RLF: variants seen among roughly 807,000 people sequenced by gnomAD.
The protein encoded by RLF is zinc finger protein Rlf.
A neutral mutation model predicts 162.9 loss-of-function variants in RLF; 7 were observed. The observed-to-expected ratio is 0.04, with a 90% CI of 0.02 to 0.08. The LOEUF is 0.08. Among genes scored for constraint, RLF ranks in the 10% least tolerant of loss-of-function variants. The pLI is 1.00. For synonymous variants in RLF, 782 were observed against 791.5 expected, an observed-to-expected ratio of 0.99 and a Z score of 0.20; for missense variants, 1,664 against 2,244.7, an observed-to-expected ratio of 0.74 and a Z score of 5.23.
At chr1:40,197,127 T>C (rs531723940) in intron 4 of RLF, among the ~76,000 whole-genome samples, 1 of 152,338 alleles carries the variant, frequency 6.6e-6, no homozygotes, top group South Asian at 2.1e-4. Flanking sequence ...TACATGGTGT[T>C]TGGACCTCTC....
intron 1 of RLF, among the ~76,000 whole-genome samples, chr1:40,170,025 G>C (rs1642220539): frequency 6.6e-6 from 1 of 152,080 alleles, no homozygotes; most frequent in South Asian, 2.1e-4. Flanking sequence ...AATACGTTGT[G>C]AATTTCCAAG....
At chr1:40,192,784 T>C (rs938985537) in intron 3 of RLF, among the ~76,000 whole-genome samples, 2 of 152,162 alleles carry the variant, frequency 1.3e-5, no homozygotes, top group African/African-American at 4.8e-5. Context: ...CAGCAAATGG[T>C]ATTAAGGATA....
rs1219403158 is a variant in RLF at position 40,188,994 on chromosome 1, GGACAAA to G, written c.238-55_238-50del. ...TGGGAGAGCTATGTGGTGTGTTTGA[GGACAAA>G]GACAATCTGTTTCATTATTTTTATT... is the stretch of plus-strand genomic sequence containing the variant. On this transcript the variant is annotated intron_variant, in intron 1 of 7. Transcript: ENST00000372771. 9 of 1,189,280 alleles carry G rather than the reference GGACAAA, an allele frequency of 7.6e-6. No homozygotes were observed. The African/African-American group carries it at 7.6e-5, about 10-fold the overall frequency. The allele number at this position is 1,189,280 out of a possible 1,614,324, so 73.7% of individuals were successfully genotyped here. A position where few individuals can be genotyped will look rare whatever the true frequency, so the allele number is the denominator to read the frequency against.
chr1:40,222,788 G>A (rs955024788), intron 6 of RLF, 78 bp downstream of exon 6: 2 of 1,322,624 alleles, frequency 1.5e-6, no homozygotes, highest in Non-Finnish European at 2.1e-6. Flanking sequence ...ATGTTAATTT[G>A]TTTCTAATTT....
At chr1:40,213,595 C>T (rs1449411478) in intron 5 of RLF, among the ~76,000 whole-genome samples, 3 of 152,292 alleles carry the variant, frequency 2.0e-5, no homozygotes, top group Non-Finnish European at 4.4e-5. Flanking sequence ...TCTAGGGTTA[C>T]TTGAAATGTA....
chr1:40,205,063 C>T (rs1468403391), intron 5 of RLF, among the ~76,000 whole-genome samples: 1 of 152,224 alleles, frequency 6.6e-6, no homozygotes, highest in African/African-American at 2.4e-5. Context: ...AATGCTACAG[C>T]AGTTCTCCTT....
intron 5 of RLF, among the ~76,000 whole-genome samples, chr1:40,210,273 G>T (rs772925293): frequency 7.9e-5 from 12 of 152,328 alleles, no homozygotes; most frequent in Admixed American, 2.0e-4. Flanking sequence ...TAAGCTCAAT[G>T]ATTACTGCCC....
In RLF at chr1:40,236,725, G is replaced by A; in HGVS notation, c.2023G>A (p.Gly675Ser). Reference protein sequence around the residue: ...LQDRDLYPCPGTDCSRVFKQF... With the variant: ...LQDRDLYPCPSTDCSRVFKQF... ...AGACAGAGATTTGTATCCATGTCCCGGTACAGACTGTTCCCGTGTGTTTAA... is the reference window on the plus strand; with the variant it reads ...AGACAGAGATTTGTATCCATGTCCCAGTACAGACTGTTCCCGTGTGTTTAA... The change falls in exon 8 of 8, where the codon GGT (glycine) becomes AGT (serine). Residue 675 changes from glycine to serine, a missense_variant. Coordinates refer to ENST00000372771, the MANE Select transcript of RLF (RefSeq NM_012421.4). The surrounding 1 kb of genome is among the most constrained non-coding windows in gnomAD (Gnocchi z 7.7). The A allele has an allele frequency of 6.2e-7, 1 of 1,613,974 alleles. No individual in the cohort carries two copies. The highest frequency in any genetic ancestry group is 8.5e-7 in the Non-Finnish European group (1 of 1,179,946).
chr1:40,200,186 C>G (rs1249194998), intron 4 of RLF, among the ~76,000 whole-genome samples: 1 of 152,176 alleles, frequency 6.6e-6, no homozygotes, highest in Non-Finnish European at 1.5e-5. Flanking sequence ...ATCATAATCT[C>G]CAGAGTTGGA....
At position 40,221,899 on chromosome 1, in the gene RLF, C is replaced by CAAAAAAAAAAAAAAAAAA. The variant is rs895455745; in HGVS notation, c.811-673_811-656dup. Among the ~76,000 whole-genome samples the CAAAAAAAAAAAAAAAAAA allele has an allele frequency of 2.9e-3, 188 of 65,012 alleles. 5 individuals carry two copies. Among genetic ancestry groups the CAAAAAAAAAAAAAAAAAA allele is most frequent in the Middle Eastern group, 9.6e-3 (1 of 104 alleles). The allele number at this position is 65,012 out of a possible 152,430, so 42.7% of individuals were successfully genotyped here. A position where few individuals can be genotyped will look rare whatever the true frequency, so the allele number is the denominator to read the frequency against. On this transcript the variant is annotated intron_variant, in intron 5 of 7. Coordinates refer to ENST00000372771, the MANE Select transcript of RLF (RefSeq NM_012421.4). ...TGGGCGACACAGCGAGACTCCGTCT[C>CAAAAAAAAAAAAAAAAAA]AAAAAAAAAAAAAAAAAAAGAGAAA...
At chr1:40,207,126 C>T (rs950030631) in intron 5 of RLF, among the ~76,000 whole-genome samples, 2 of 152,134 alleles carry the variant, frequency 1.3e-5, no homozygotes, top group South Asian at 2.1e-4. Flanking sequence ...TTGTAAACTC[C>T]GGAAGGACAG....
intron 4 of RLF, among the ~76,000 whole-genome samples, chr1:40,200,122 A>G (rs936406542): frequency 7.9e-5 from 12 of 152,160 alleles, no homozygotes; most frequent in Admixed American, 2.0e-4. Flanking sequence ...TAGAGTATCT[A>G]TGGAATTTAA....
intron 4 of RLF, 59 bp from the exon 5 acceptor site, chr1:40,202,353 G>T: frequency 9.2e-7 from 1 of 1,086,802 alleles, no homozygotes; most frequent in Admixed American, 2.7e-5. Flanking sequence ...TTTCATCTTA[G>T]CAAGTCTGAC....
At chr1:40,203,305 G>A (rs1337290970) in intron 5 of RLF, among the ~76,000 whole-genome samples, 4 of 151,506 alleles carry the variant, frequency 2.6e-5, no homozygotes, top group Non-Finnish European at 2.9e-5. Context: ...TAGTAGAGAC[G>A]GGGTTTCACC....
chr1:40,199,177 G>A (rs565527487), intron 4 of RLF, among the ~76,000 whole-genome samples: 108 of 152,294 alleles, frequency 7.1e-4, no homozygotes, highest in African/African-American at 2.5e-3. Context: ...GTGAGGTGAC[G>A]TTAAAATGTT....
chr1:40,177,508 T>TG (rs1642344250), intron 1 of RLF, among the ~76,000 whole-genome samples: 2 of 151,882 alleles, frequency 1.3e-5, no homozygotes, highest in African/African-American at 4.8e-5. Context: ...TTAGCCAGGA[T>TG]GGGGTCTATC....
intron 1 of RLF, among the ~76,000 whole-genome samples, chr1:40,180,872 T>C (rs1438403493): frequency 6.6e-6 from 1 of 152,236 alleles, no homozygotes; most frequent in African/African-American, 2.4e-5. Flanking sequence ...TGTCCTTTGA[T>C]GCACAGAAGT....
chr1:40,221,917 A>AAAAAAAAAAAAAAAAAAAAAG (rs1486982312), intron 5 of RLF, among the ~76,000 whole-genome samples: 3 of 150,378 alleles, frequency 2.0e-5, no homozygotes, highest in South Asian at 2.1e-4. Flanking sequence ...AAAAAAAAAA[A>AAAAAAAAAAAAAAAAAAAAAG]AGAGAAAGGA....
chr1:40,167,623 T>C (rs1455115015), intron 1 of RLF, among the ~76,000 whole-genome samples: 2 of 152,042 alleles, frequency 1.3e-5, no homozygotes, highest in Non-Finnish European at 2.9e-5. Context: ...TCTAGATACT[T>C]GTCACCTTTC....
Sources: gnomAD v4.1 joint callset for allele counts (sites outside exome capture counted in the v4.1 genomes callset) on GRCh38, gnomAD v4.1.1 for gene constraint, Gnocchi (gnomAD v3.1) non-coding constraint, MANE v1.5 for transcripts, NCBI Gene and HGNC (gene_info 2026-07-23, HGNC 2026-07-21) for gene names.